Variants in CHL1 observed in about 807,000 individuals in gnomAD.
CHL1 encodes the protein cell adhesion molecule L1 like, also known as neural cell adhesion molecule L1-like protein.
Under a neutral mutation model 141.9 loss-of-function variants are expected in CHL1, and 96 were observed. The observed-to-expected ratio is 0.68, with a 90% CI of 0.57 to 0.80. CHL1 has a LOEUF of 0.80. CHL1 is among the 30% of genes least tolerant of loss of function. The pLI, the probability that CHL1 is intolerant of heterozygous loss-of-function variation, is 0.00. For synonymous variants in CHL1, 613 were observed against 502.2 expected, an observed-to-expected ratio of 1.22 and a Z score of -2.95; for missense variants, 1,820 against 1,457.2, an observed-to-expected ratio of 1.25 and a Z score of -4.05.
At chr3:399,200 G>A in intron 26 of CHL1, 52 bp downstream of exon 26, 3 of 1,490,322 alleles carry the variant, frequency 2.0e-6, no homozygotes, top group Non-Finnish European at 2.8e-6. Context: ...CATTTTCTGG[G>A]AAGCATTCTT....
intron 2 of CHL1, among the ~76,000 whole-genome samples, chr3:306,935 T>G (rs568068536): frequency 5.9e-5 from 9 of 152,314 alleles, no homozygotes; most frequent in Non-Finnish European, 1.0e-4. Context: ...AAAATCATAT[T>G]CAAGTACCAA....
At chr3:347,900 T>G (rs1702900138) in intron 9 of CHL1, among the ~76,000 whole-genome samples, 1 of 152,228 alleles carries the variant, frequency 6.6e-6, no homozygotes, top group Non-Finnish European at 1.5e-5. Context: ...CGTTAGTGTT[T>G]GAGGCTTGAA....
intron 1 of CHL1, among the ~76,000 whole-genome samples, chr3:236,833 C>T (rs1692033438): frequency 6.9e-6 from 1 of 145,278 alleles, no homozygotes; most frequent in African/African-American, 2.8e-5. Flanking sequence ...TTCTCTGTAC[C>T]TCCTTCAGTC....
intron 6 of CHL1, among the ~76,000 whole-genome samples, chr3:341,362 A>G (rs1344679301): frequency 6.6e-6 from 1 of 152,186 alleles, no homozygotes; most frequent in African/African-American, 2.4e-5. Flanking sequence ...ATAGAGAAAA[A>G]TGCTATTTGC....
chr3:220,811 T>C (rs1043284673), intron 1 of CHL1, among the ~76,000 whole-genome samples: 12 of 152,220 alleles, frequency 7.9e-5, no homozygotes, highest in Admixed American at 2.6e-4. Flanking sequence ...TTGGTGTGAG[T>C]GGACAGTGGC....
chr3:317,654 GA>G (rs35799872), intron 2 of CHL1, among the ~76,000 whole-genome samples: 3,128 of 132,512 alleles, frequency 0.024, 44 homozygotes, highest in South Asian at 0.07. Flanking sequence ...AACTGTTTCA[GA>G]AAAAAAAAAA....
chr3:325,882 T>G lies in CHL1; in HGVS notation c.92-77T>G, dbSNP rs965212808. ...TCACTTATCAGTATACAAAAGAGGT[T>G]TAAAGTGTTTTCGCTATAGATTAAC... On this transcript the variant is annotated intron_variant, in intron 3 of 27. Transcript: ENST00000256509. 44 of 901,688 alleles carry G rather than the reference T, an allele frequency of 4.9e-5. 2 individuals carry two copies. Among genetic ancestry groups the G allele is most frequent in the East Asian group, 3.6e-4 (14 of 38,966 alleles). 55.9% of individuals were successfully genotyped at this position (901,688 alleles called of 1,614,324 possible).
intron 1 of CHL1, among the ~76,000 whole-genome samples, chr3:228,663 A>C (rs950666231): frequency 1.3e-5 from 2 of 152,210 alleles, no homozygotes; most frequent in Admixed American, 1.3e-4. Context: ...CAATTTTATA[A>C]TGGCTCATTA....
At position 306,062 on chromosome 3, in the gene CHL1, C is replaced by T. The variant is rs76399695; in HGVS notation, c.-94-13621C>T. Among the ~76,000 whole-genome samples the T allele has an allele frequency of 1.2e-3, 189 of 152,172 alleles. 6 individuals are homozygous for T. In the East Asian group the frequency reaches 0.027, roughly 22 times the overall value. On this transcript the variant is annotated intron_variant, in intron 2 of 27. Transcript: ENST00000256509. ...AATCAGTTCAAAAATGACATAGTAA[C>T]TGATATTGCCTTCCTGTTCTTATTT...
chr3:363,115 C>A, intron 13 of CHL1, 102 bp from the exon 14 acceptor site: 3 of 896,280 alleles, frequency 3.3e-6, no homozygotes, highest in Non-Finnish European at 3.3e-6. Flanking sequence ...GTTTTCTGAG[C>A]TATTGAAAGG....
chr3:263,254 T>G (rs1694885010), intron 2 of CHL1, among the ~76,000 whole-genome samples: 1 of 152,104 alleles, frequency 6.6e-6, no homozygotes, highest in South Asian at 2.1e-4. Context: ...TTGCCAGTTG[T>G]AAGAGCTAAT....
chr3:377,826 T>G lies in CHL1; in HGVS notation c.1760T>G (p.Ile587Ser). Residue 587 changes from isoleucine (I) to serine (S), a missense_variant, in exon 16 of 28, where the codon ATT becomes AGT. Physicochemically the swap from Ile to Ser is moderately radical, Grantham distance 142. Transcript: ENST00000256509. ...CACTTTTTTTCTGATAGGATAATTA[T>G]TGATGGAGCTAATTTGACCATATCT... is the stretch of plus-strand genomic sequence containing the variant. ...INGTEDGRII[I>S]DGANLTISNV... is the part of the protein sequence containing the mutation. 6.2e-7 allele frequency: 1 copy of G among 1,605,520 alleles called. No homozygotes were observed. Among genetic ancestry groups the G allele is most frequent in the Non-Finnish European group, 8.5e-7 (1 of 1,174,308 alleles).
chr3:325,885 A>G, intron 3 of CHL1, 74 bp from the exon 4 acceptor site: 1 of 932,036 alleles, frequency 1.1e-6, no homozygotes, highest in Admixed American at 2.1e-5. Flanking sequence ...AAGAGGTTTA[A>G]AGTGTTTTCG....
intron 15 of CHL1, among the ~76,000 whole-genome samples, chr3:369,874 G>A (rs1048111163): frequency 6.6e-6 from 1 of 152,156 alleles, no homozygotes; most frequent in East Asian, 1.9e-4. Context: ...TTTTGTCTTT[G>A]GTTCTGTTTA....
At chr3:394,006 C>T (rs1164479474) in intron 23 of CHL1, among the ~76,000 whole-genome samples, 1 of 152,122 alleles carries the variant, frequency 6.6e-6, no homozygotes, top group Admixed American at 6.5e-5. Flanking sequence ...TGTATTTCAT[C>T]TCTTGGACTA....
chr3:281,174 A>C (rs528789935), intron 2 of CHL1, among the ~76,000 whole-genome samples: 1 of 152,218 alleles, frequency 6.6e-6, no homozygotes, highest in African/African-American at 2.4e-5. Context: ...TCAGTTGGAA[A>C]TTTCAAGGGC....
At chr3:329,874 A>G (rs1701304729) in intron 5 of CHL1, among the ~76,000 whole-genome samples, 1 of 152,134 alleles carries the variant, frequency 6.6e-6, no homozygotes, top group Non-Finnish European at 1.5e-5. Flanking sequence ...CTAGACATAT[A>G]TAATGTTAAA....
At chr3:274,475 A>T (rs1695911083) in intron 2 of CHL1, among the ~76,000 whole-genome samples, 1 of 152,190 alleles carries the variant, frequency 6.6e-6, no homozygotes, top group East Asian at 1.9e-4. Flanking sequence ...ACATATACCC[A>T]CTGTTCAGAT....
At chr3:331,568 A>C (rs1701440988) in intron 5 of CHL1, among the ~76,000 whole-genome samples, 1 of 152,082 alleles carries the variant, frequency 6.6e-6, no homozygotes, top group African/African-American at 2.4e-5. Flanking sequence ...GTCATATTAA[A>C]GCCTCATGAA....
Sources: allele counts gnomAD v4.1 joint callset (sites outside exome capture counted in the v4.1 genomes callset), GRCh38; gene constraint gnomAD v4.1.1; transcripts MANE v1.5; gene names NCBI Gene and HGNC (gene_info 2026-07-23, HGNC 2026-07-21).